Variants in AKAP1 observed in about 807,000 individuals in gnomAD.
AKAP1 encodes A-kinase anchor protein 1, mitochondrial.
In AKAP1, 32 loss-of-function variants were observed where a neutral mutation model predicts 79.8. The observed-to-expected ratio is 0.40, with a 90% CI of 0.30 to 0.54. The LOEUF (loss-of-function observed/expected upper bound fraction) is 0.54, where lower values mean the gene tolerates loss of function less well. Ranked by LOEUF, AKAP1 falls within the 20% of genes least tolerant of loss-of-function variation. The pLI is 0.47. For synonymous variants in AKAP1, 416 were observed against 466.7 expected (o/e 0.89, Z 1.40); for missense variants, 961 against 1,138.9 (o/e 0.84, Z 2.25).
rs1915852415 is a variant in AKAP1, at chr17:57,120,322, T to TG, written c.2711dup (p.Ter904TrpfsTer15). 1.2e-6 allele frequency: 2 copies of TG among 1,613,182 alleles called. No individual in the cohort carries two copies. Among genetic ancestry groups the TG allele is most frequent in the African/African-American group, 2.7e-5 (2 of 74,840 alleles). ...GGTAGACAGCTACTACACAAGCCTT[T>TG]GACCCCCATGCTGCTTCCTGAGAGT... On this transcript the variant is annotated frameshift_variant and stop_lost, in exon 11 of 11. Transcript: ENST00000337714. LOFTEE classifies it high-confidence loss of function.
chr17:57,100,443 A>ACACACG (rs1397497186), intron 1 of AKAP1, among the ~76,000 whole-genome samples: 3 of 148,624 alleles, frequency 2.0e-5, no homozygotes, highest in South Asian at 4.2e-4. Flanking sequence ...ACACACACAC[A>ACACACG]CACGCACACA....
intron 1 of AKAP1, chr17:57,101,472 G>C (rs1914510520): frequency 6.8e-6 from 1 of 146,460 alleles, no homozygotes; most frequent in Non-Finnish European, 1.5e-5. Context: ...TGGGATTTTG[G>C]GTATGAGCCA....
intron 1 of AKAP1, among the ~76,000 whole-genome samples, chr17:57,102,383 T>C (rs764294109): frequency 9.2e-5 from 14 of 152,208 alleles, no homozygotes; most frequent in Non-Finnish European, 1.8e-4. Flanking sequence ...TTGGCTCATA[T>C]AGCGCCTCTT....
chr17:57,107,424 T>C (rs1914964934), intron 2 of AKAP1, among the ~76,000 whole-genome samples: 1 of 152,216 alleles, frequency 6.6e-6, no homozygotes, highest in Non-Finnish European at 1.5e-5. Flanking sequence ...CCTTCCCCAG[T>C]GAGCCCTTCC....
intron 1 of AKAP1, among the ~76,000 whole-genome samples, chr17:57,097,146 G>C (rs1346478235): frequency 6.6e-6 from 1 of 152,154 alleles, no homozygotes; most frequent in East Asian, 1.9e-4. Context: ...GGGACTCACT[G>C]TTCCCTCCCA....
rs62060308 is a variant in AKAP1 at position 57,120,872 on chromosome 17, A to G, written c.*548A>G. 0.012 allele frequency: 1,842 copies of G among 152,896 alleles called. 22 individuals carry two copies. Among genetic ancestry groups the G allele is most frequent in the Non-Finnish European group, 0.019 (1,311 of 68,110 alleles). 9.5% of individuals were successfully genotyped at this position (152,896 alleles called of 1,614,324 possible). On this transcript the variant is annotated 3_prime_UTR_variant, in exon 11 of 11. Transcript: ENST00000337714. ...AGGTCTCTAAACACAGACTTTTTAA[A>G]TTGCAACTGTAAATATGAAATGGTC...
At chr17:57,111,761 C>A in intron 3 of AKAP1, 37 bp from the exon 4 acceptor site, 1 of 1,611,882 alleles carries the variant, frequency 6.2e-7, no homozygotes, top group South Asian at 1.1e-5. Context: ...AATTGGTTTC[C>A]CTTTAACCCT....
rs568694201 is a variant in AKAP1, at chr17:57,108,036, C to T, written c.1714+858C>T. Reference sequence around the variant, plus strand: ...TGACCCCAGCGTAGACAGTTCAGACCGCTAACTTACAGGTCAGCAGCTCCT... The same window carrying T: ...TGACCCCAGCGTAGACAGTTCAGACTGCTAACTTACAGGTCAGCAGCTCCT... On this transcript the variant is annotated intron_variant, in intron 2 of 10. Transcript: ENST00000337714. 39 of 1,235,654 alleles carry T rather than the reference C, an allele frequency of 3.2e-5. No individual in the cohort carries two copies. The Admixed American group carries it at 4.8e-4, about 15-fold the overall frequency. The allele number at this position is 1,235,654 out of a possible 1,614,324, so 76.5% of individuals were successfully genotyped here.
chr17:57,093,649 C>T (rs1400873928), intron 1 of AKAP1: 3 of 152,186 alleles, frequency 2.0e-5, no homozygotes. Flanking sequence ...GGTAATAGAG[C>T]ATGCATTGCT....
intron 1 of AKAP1, among the ~76,000 whole-genome samples, chr17:57,100,124 T>C (rs1329150159): frequency 6.6e-6 from 1 of 152,202 alleles, no homozygotes; most frequent in Non-Finnish European, 1.5e-5. Context: ...GCCCTTGATA[T>C]GTAAAATAAG....
intron 1 of AKAP1, among the ~76,000 whole-genome samples, chr17:57,090,705 C>T (rs1913735492): frequency 6.6e-6 from 1 of 152,098 alleles, no homozygotes; most frequent in Non-Finnish European, 1.5e-5. Context: ...GTACAGGATC[C>T]TACTCTTAAC....
intron 2 of AKAP1, 117 bp from the exon 3 acceptor site, chr17:57,109,908 T>C (rs1354422767): frequency 4.4e-6 from 6 of 1,372,382 alleles, no homozygotes; most frequent in Non-Finnish European, 6.0e-6. Flanking sequence ...CCTGCCAAGC[T>C]TGAGGAGCGG....
At chr17:57,089,264 A>C (rs1439642012) in intron 1 of AKAP1, among the ~76,000 whole-genome samples, 1 of 152,144 alleles carries the variant, frequency 6.6e-6, no homozygotes, top group Non-Finnish European at 1.5e-5. Flanking sequence ...TGGGTAGTAC[A>C]TGTCAAAGAC....
chr17:57,106,214 A>G lies in AKAP1; in HGVS notation c.750A>G (p.Ser250=). Residue 250 remains serine, a synonymous_variant, in exon 2 of 11, where the codon TCA becomes TCG. Transcript: ENST00000337714. ...AAGAAGATAAGGGGAAGAGCAGCTCATCCCAGGTGGTGGGGCCAGTGCAGG... is the reference window on the plus strand; with the variant it reads ...AAGAAGATAAGGGGAAGAGCAGCTCGTCCCAGGTGGTGGGGCCAGTGCAGG... The part of the protein sequence containing the change: ...EGEEDKGKSS[S]SQVVGPVQEE... 1 of 1,614,186 alleles carries G rather than the reference A, an allele frequency of 6.2e-7. No individual in the cohort carries two copies. Among genetic ancestry groups the G allele is most frequent in the Non-Finnish European group, 8.5e-7 (1 of 1,180,052 alleles).
At chr17:57,107,423 G>A (rs371907173) in intron 2 of AKAP1, among the ~76,000 whole-genome samples, 1 of 152,210 alleles carries the variant, frequency 6.6e-6, no homozygotes, top group Non-Finnish European at 1.5e-5. Context: ...ACCTTCCCCA[G>A]TGAGCCCTTC....
intron 3 of AKAP1, among the ~76,000 whole-genome samples, chr17:57,111,174 G>A (rs1350088480): frequency 6.6e-6 from 1 of 152,238 alleles, no homozygotes; most frequent in Non-Finnish European, 1.5e-5. Context: ...TGGCGGTTGT[G>A]TGGGAGCCCA....
Position 57,118,414 on chromosome 17 carries a change from C to T in AKAP1, c.2534C>T (p.Ala845Val), listed in dbSNP as rs941581407. The change falls in exon 9 of 11, where the codon GCC (alanine) becomes GTC (valine). Residue 845 changes from alanine (A) to valine (V), a missense_variant. Coordinates refer to ENST00000337714, the MANE Select transcript of AKAP1 (RefSeq NM_003488.4). ...CAGTTTTCACCGGAAGCAGATGCCG[C>T]CATGAGCGAGATGACGGGGAATACA... is the stretch of plus-strand genomic sequence containing the variant. ...DDQFSPEADA[A>V]MSEMTGNTAL... 4 of 1,614,044 alleles carry T rather than the reference C, an allele frequency of 2.5e-6. No individual in the cohort carries two copies. The highest frequency in any genetic ancestry group is 3.4e-6 in the Non-Finnish European group (4 of 1,179,982).
rs1204435055 is a variant in AKAP1, at chr17:57,106,819, C to T, written c.1355C>T (p.Pro452Leu). 6.2e-7 allele frequency: 1 copy of T among 1,614,156 alleles called. No individual in the cohort carries two copies. The highest frequency in any genetic ancestry group is 1.1e-5 in the South Asian group (1 of 91,088). ...LLSSPTKDSK[P>L]NISAHHISLA... ...TCCAGCCCCACCAAGGACAGTAAGCCAAATATCTCTGCACACCACATCTCC... is the reference window on the plus strand; with the variant it reads ...TCCAGCCCCACCAAGGACAGTAAGCTAAATATCTCTGCACACCACATCTCC... Residue 452 changes from proline to leucine, a missense_variant, in exon 2 of 11, where the codon CCA becomes CTA. Pro to Leu is a moderately conservative substitution (Grantham distance 98). Coordinates refer to ENST00000337714, the MANE Select transcript of AKAP1 (RefSeq NM_003488.4).
chr17:57,110,878 T>C (rs1915202273), intron 3 of AKAP1, among the ~76,000 whole-genome samples: 1 of 152,188 alleles, frequency 6.6e-6, no homozygotes, highest in South Asian at 2.1e-4. Context: ...TACAACATAT[T>C]AGCTTGATCT....
Sources: gnomAD v4.1 joint callset for allele counts (sites outside exome capture counted in the v4.1 genomes callset) on GRCh38, gnomAD v4.1.1 for gene constraint, MANE v1.5 for transcripts, NCBI Gene and HGNC (gene_info 2026-07-23, HGNC 2026-07-21) for gene names.